The following CXXC1 variants were observed in gnomAD, a reference collection of about 807,000 sequenced individuals.
CXXC1 encodes CXXC-type zinc finger protein 1.
Under a neutral mutation model 83.6 loss-of-function variants are expected in CXXC1, and 21 were observed. The observed-to-expected ratio is 0.25, with a 90% CI of 0.18 to 0.36. The LOEUF (loss-of-function observed/expected upper bound fraction) is 0.36. CXXC1 is among the 10% of genes least tolerant of loss of function. The pLI is 1.00. For missense variants in CXXC1, 688 were observed against 919.5 expected, an observed-to-expected ratio of 0.75 and a Z score of 3.26; for synonymous variants, 371 against 337.5, an observed-to-expected ratio of 1.10 and a Z score of -1.09.
At position 50,282,985 on chromosome 18, in the gene CXXC1, C is replaced by T; in HGVS notation, c.1693G>A (p.Gly565Arg). The T allele has an allele frequency of 6.2e-7, 1 of 1,614,072 alleles. No homozygotes were observed. The highest frequency in any genetic ancestry group is 8.5e-7 in the Non-Finnish European group (1 of 1,180,032). The change falls in exon 14 of 15, where the codon GGG (glycine) becomes AGG (arginine). Residue 565 changes from glycine (G) to arginine (R), a missense_variant. Transcript: ENST00000285106. The surrounding 1 kb of genome is among the most constrained non-coding windows in gnomAD (Gnocchi z 5.8). ...AAGACATCACGTACAAGGGGGCACC[C>T]GCATACCTCGTCAGCTGGCACCTGC... The part of the protein sequence containing the change: ...DPKVPADEVC[G>R]CPLVRDVFEL...
intron 1 of CXXC1, chr18:50,287,115 G>A: frequency 1.9e-6 from 1 of 540,266 alleles, no homozygotes; most frequent in Non-Finnish European, 3.3e-6. Context: ...ATGGGTCATG[G>A]CGACCCTCCA....
intron 12 of CXXC1, 21 bp from the exon 13 acceptor site, chr18:50,283,382 G>A (rs369190736): frequency 3.1e-6 from 5 of 1,607,306 alleles, no homozygotes; most frequent in Non-Finnish European, 4.3e-6. Flanking sequence ...GGAGTAGAGA[G>A]GGCAGTAGAG....
rs774336508 is a variant in CXXC1 at position 50,286,253 on chromosome 18, T to C, written c.228A>G (p.Lys76=). The change falls in exon 4 of 15, where the codon AAA becomes AAG. Residue 76 remains lysine (K), a synonymous_variant. Coordinates refer to ENST00000285106, the MANE Select transcript of CXXC1 (RefSeq NM_014593.4). ...GATAGCGAATCTCTAGCTTGGGGTCTTTCTCTGTGGGGCAGAGAGTAGGGC... is the reference window on the plus strand; with the variant it reads ...GATAGCGAATCTCTAGCTTGGGGTCCTTCTCTGTGGGGCAGAGAGTAGGGC... ...REWYCRECRE[K]DPKLEIRYRH... is the part of the protein sequence containing the mutation. 5.0e-6 allele frequency: 8 copies of C among 1,603,072 alleles called. No individual in the cohort carries two copies. The East Asian group carries it at 1.6e-4, about 31-fold the overall frequency.
rs1184915728 is a variant in CXXC1, at chr18:50,286,056, G to A, written c.425C>T (p.Ser142Phe). Residue 142 changes from serine to phenylalanine, a missense_variant, in exon 4 of 15, where the codon TCC becomes TTC. Physicochemically the swap from Ser to Phe is radical, Grantham distance 155. Coordinates refer to ENST00000285106, the MANE Select transcript of CXXC1 (RefSeq NM_014593.4). Reference sequence around the variant, plus strand: ...TGTGGCCACCAAGGGCTGCGGAGAGGATTTGTGGGGCGAAGCAGAGCCCCG... The same window carrying A: ...TGTGGCCACCAAGGGCTGCGGAGAGAATTTGTGGGGCGAAGCAGAGCCCCG... ...LARGSASPHKSSPQPLVATPS... is the reference protein window; with the variant it reads ...LARGSASPHKFSPQPLVATPS... The A allele has an allele frequency of 6.2e-7, 1 of 1,613,992 alleles. No individual in the cohort carries two copies. The highest frequency in any genetic ancestry group is 8.5e-7 in the Non-Finnish European group (1 of 1,179,948).
Position 50,286,540 on chromosome 18 carries a change from T to C in CXXC1, c.222A>G (p.Arg74=). The C allele has an allele frequency of 6.2e-7, 1 of 1,613,556 alleles. No homozygotes were observed. Among genetic ancestry groups the C allele is most frequent in the South Asian group, 1.1e-5 (1 of 91,066 alleles). Residue 74 remains arginine, a splice_region_variant and synonymous_variant, in exon 3 of 15, where the codon AGA becomes AGG. Transcript: ENST00000285106. ...TCCCTGTCCATCCATGGCCCTCACC[T>C]CTGCACTCCCGACAGTACCACTCCC... ...AIREWYCREC[R]EKDPKLEIRY...
intron 13 of CXXC1, 103 bp from the exon 14 acceptor site, chr18:50,283,109 G>A (rs1164585354): frequency 3.6e-6 from 5 of 1,392,302 alleles, no homozygotes; most frequent in African/African-American, 1.4e-5. Flanking sequence ...TCAGGGAACG[G>A]TGAGGAGGCA....
intron 1 of CXXC1, 111 bp from the exon 2 acceptor site, chr18:50,286,969 C>G: frequency 1.3e-6 from 1 of 792,734 alleles, no homozygotes; most frequent in East Asian, 2.5e-5. Context: ...CTGCAGATTT[C>G]ACATCGGGGC....
chr18:50,285,254 G>C lies in CXXC1; in HGVS notation c.667-7C>G. 6.2e-7 allele frequency: 1 copy of C among 1,614,032 alleles called. No homozygotes were observed. ...AGGGCGTCACTGGTGAGAGCTGCAG[G>C]GCAGAATCTCAGGACTGGCCCTGAC... On this transcript the variant is annotated splice_polypyrimidine_tract_variant and splice_region_variant and intron_variant, in intron 6 of 14. Transcript: ENST00000285106. This position sits in a 1 kb window ranked among gnomAD's most constrained non-coding sequence, Gnocchi z 4.4.
Position 50,282,845 on chromosome 18 carries a change from G to C in CXXC1, c.1824+9C>G, listed in dbSNP as rs1568298821. ...CCACATGCAGCACCAAAACCGCACAGAAACCTACCACACGCACGCGCTCCA... is the reference window on the plus strand; with the variant it reads ...CCACATGCAGCACCAAAACCGCACACAAACCTACCACACGCACGCGCTCCA... On this transcript the variant is annotated intron_variant, in intron 14 of 14. Coordinates refer to ENST00000285106, the MANE Select transcript of CXXC1 (RefSeq NM_014593.4). The surrounding 1 kb of genome is among the most constrained non-coding windows in gnomAD (Gnocchi z 5.8). 6.2e-7 allele frequency: 1 copy of C among 1,614,048 alleles called. No homozygotes were observed. The highest frequency in any genetic ancestry group is 8.5e-7 in the Non-Finnish European group (1 of 1,179,918).
rs3819217 is a variant in CXXC1 at position 50,283,881 on chromosome 18, C to G, written c.1413+13G>C. 0.33 allele frequency: 530,466 copies of G among 1,613,646 alleles called. 91,742 individuals are homozygous for G. The highest frequency in any genetic ancestry group is 0.6 in the East Asian group (26,704 of 44,868). On this transcript the variant is annotated intron_variant, in intron 10 of 14. Coordinates refer to ENST00000285106, the MANE Select transcript of CXXC1 (RefSeq NM_014593.4). ...AGTACAGGCCCTGCTCTGCTGCGCC[C>G]CTGCTTGCTCACCTCCTCATCCTCG...
Position 50,286,786 on chromosome 18 carries a change from G to A in CXXC1, c.76C>T (p.Pro26Ser). 1 of 1,614,100 alleles carries A rather than the reference G, an allele frequency of 6.2e-7. No individual in the cohort carries two copies. Among genetic ancestry groups the A allele is most frequent in the Middle Eastern group, 1.6e-4 (1 of 6,062 alleles). Residue 26 changes from proline (P) to serine (S), a missense_variant, in exon 2 of 15, where the codon CCC becomes TCC. Around this residue, in one of 9 missense-constraint regions of CXXC1, gnomAD observed 51 missense variants for 48.0 expected, o/e 1.06. Transcript: ENST00000285106. Reference protein sequence around the residue: ...DSKSENGENAPIYCICRKPDI... With the variant: ...DSKSENGENASIYCICRKPDI... ...GGTTTGCGGCAGATGCAGTAGATGG[G>A]CGCATTCTCCCCATTCTCGGACTTG...
Position 50,285,422 on chromosome 18 carries a change from A to C in CXXC1, c.640-71T>G. ...GGGCGGCCTTGCCCTAGCCCTACCC[A>C]CCTGGCCTGGCCTTACCTCCCCAGA... On this transcript the variant is annotated intron_variant, in intron 5 of 14. Transcript: ENST00000285106. The surrounding 1 kb of genome is among the most constrained non-coding windows in gnomAD (Gnocchi z 4.4). 3 of 1,516,210 alleles carry C rather than the reference A, an allele frequency of 2.0e-6. No individual in the cohort carries two copies. Among genetic ancestry groups the C allele is most frequent in the East Asian group, 2.3e-5 (1 of 43,452 alleles). 93.9% of individuals were successfully genotyped at this position (1,516,210 alleles called of 1,614,324 possible). A position where few individuals can be genotyped will look rare whatever the true frequency, so the allele number is the denominator to read the frequency against.
At chr18:50,283,670 C>T in intron 11 of CXXC1, 35 bp downstream of exon 11, 1 of 1,611,026 alleles carries the variant, frequency 6.2e-7, no homozygotes, top group East Asian at 2.2e-5. Context: ...ACTGATGTTC[C>T]CACATGGTCC....
At chr18:50,284,217 G>T in intron 9 of CXXC1, 116 bp from the exon 10 acceptor site, 1 of 1,441,612 alleles carries the variant, frequency 6.9e-7, no homozygotes, top group Non-Finnish European at 9.5e-7. Context: ...ATGGTGGCTG[G>T]ATGGACACAC....
intron 7 of CXXC1, 78 bp downstream of exon 7, chr18:50,284,924 C>T (rs374637017): frequency 3.5e-5 from 56 of 1,612,084 alleles, no homozygotes; most frequent in African/African-American, 8.0e-5. Flanking sequence ...CCTTCCATAC[C>T]CTCTGTCTCC....
At position 50,285,468 on chromosome 18, in the gene CXXC1, C is replaced by A; in HGVS notation, c.640-117G>T. 7.8e-7 allele frequency: 1 copy of A among 1,278,198 alleles called. No homozygotes were observed. The highest frequency in any genetic ancestry group is 2.5e-5 in the East Asian group (1 of 40,238). The allele number at this position is 1,278,198 out of a possible 1,614,324, so 79.2% of individuals were successfully genotyped here. ...CCAGACACACCTCCCCGCTACCCCTCATTGCCAGGAATGCTCAGCCCTGCC... is the reference window on the plus strand; with the variant it reads ...CCAGACACACCTCCCCGCTACCCCTAATTGCCAGGAATGCTCAGCCCTGCC... On this transcript the variant is annotated intron_variant, in intron 5 of 14. Coordinates refer to ENST00000285106, the MANE Select transcript of CXXC1 (RefSeq NM_014593.4). The surrounding 1 kb of genome is among the most constrained non-coding windows in gnomAD (Gnocchi z 4.4).
In CXXC1 at chr18:50,283,339, C is replaced by T; in HGVS notation, c.1597G>A (p.Val533Met). The T allele has an allele frequency of 6.2e-7, 1 of 1,614,052 alleles. No homozygotes were observed. Among genetic ancestry groups the T allele is most frequent in the Non-Finnish European group, 8.5e-7 (1 of 1,180,008 alleles). The change falls in exon 13 of 15, where the codon GTG becomes ATG. Residue 533 changes from valine (V) to methionine (M), a missense_variant. By Grantham distance (21) the Val-to-Met change is conservative. Transcript: ENST00000285106. ...TATGTTTTGCTCTGAGGATTATACA[C>T]ATCACAGAAGAGTCGTGTGGCCCTG... is the stretch of plus-strand genomic sequence containing the variant. Reference protein sequence around the residue: ...IEGATRLFCDVYNPQSKTYCK... With the variant: ...IEGATRLFCDMYNPQSKTYCK...
chr18:50,285,645 C>G lies in CXXC1; in HGVS notation c.639+104G>C. Reference sequence around the variant, plus strand: ...CCCTTCCCACCTGTCAGGATACAGTCAGGCCCAATCCCACCTGGTTTATCC... The same window carrying G: ...CCCTTCCCACCTGTCAGGATACAGTGAGGCCCAATCCCACCTGGTTTATCC... On this transcript the variant is annotated intron_variant, in intron 5 of 14. Transcript: ENST00000285106. The surrounding 1 kb of genome is among the most constrained non-coding windows in gnomAD (Gnocchi z 4.4). The G allele has an allele frequency of 7.1e-7, 1 of 1,408,144 alleles. No homozygotes were observed. Among genetic ancestry groups the G allele is most frequent in the Non-Finnish European group, 9.8e-7 (1 of 1,024,824 alleles). 87.2% of individuals were successfully genotyped at this position (1,408,144 alleles called of 1,614,324 possible). A position where few individuals can be genotyped will look rare whatever the true frequency, so the allele number is the denominator to read the frequency against.
chr18:50,283,541 C>A lies in CXXC1; in HGVS notation c.1548G>T (p.Gly516=). The A allele has an allele frequency of 6.2e-7, 1 of 1,613,934 alleles. No individual in the cohort carries two copies. Among genetic ancestry groups the A allele is most frequent in the South Asian group, 1.1e-5 (1 of 91,060 alleles). The change falls in exon 12 of 15, where the codon GGG becomes GGT. Residue 516 remains glycine, a synonymous_variant. Coordinates refer to ENST00000285106, the MANE Select transcript of CXXC1 (RefSeq NM_014593.4). ...CTTCAATGCGTGTGGGGTACATGGA[C>A]CCAAAGGACGTCTGGCTCTCATACT... The part of the protein sequence containing the change: ...YAKYESQTSF[G]SMYPTRIEGA...
Sources: gnomAD v4.1 joint callset for allele counts on GRCh38, gnomAD v4.1.1 for gene constraint, gnomAD v4.1.1 regional missense constraint, Gnocchi (gnomAD v3.1) non-coding constraint, MANE v1.5 for transcripts, NCBI Gene and HGNC (gene_info 2026-07-23, HGNC 2026-07-21) for gene names.